ZNF469: variants seen among roughly 807,000 people sequenced by gnomAD.
The protein encoded by ZNF469 is zinc finger protein 469.
ZNF469 carries 1 observed loss-of-function variant against 1.0 expected under a neutral mutation model. The ratio of observed to expected loss-of-function variants is 1.00; its 90% confidence interval spans 0.35 to 4.73. The LOEUF (loss-of-function observed/expected upper bound fraction) is 4.73. Among genes scored for constraint, ZNF469 ranks in the 30% most tolerant of loss-of-function variants. The pLI is 0.16. For missense variants in ZNF469, 6,100 were observed against 5,356.3 expected (o/e 1.14, Z -4.33); for synonymous variants, 2,703 against 2,363.4 (o/e 1.14, Z -4.17).
the ZNF469 span, among the ~76,000 whole-genome samples, chr16:88,115,502 C>T: frequency 2.0e-5 from 3 of 151,932 alleles, no homozygotes; most frequent in African/African-American, 7.3e-5. Flanking sequence ...CTGAGTTGAC[C>T]CTGGTTTATC....
the ZNF469 span, among the ~76,000 whole-genome samples, chr16:88,338,786 C>T: frequency 2.0e-5 from 3 of 152,176 alleles, no homozygotes; most frequent in Admixed American, 6.5e-5. Flanking sequence ...TGTGGCGATA[C>T]AGGCACAGGC....
the ZNF469 span, among the ~76,000 whole-genome samples, chr16:88,367,950 C>A: frequency 6.6e-6 from 1 of 152,220 alleles, no homozygotes; most frequent in African/African-American, 2.4e-5. Flanking sequence ...CACAGAGACC[C>A]GCATTCTTAT....
At chr16:88,264,552 T>A in the ZNF469 span, among the ~76,000 whole-genome samples, 459 of 117,008 alleles carry the variant, frequency 3.9e-3, no homozygotes, top group African/African-American at 0.015. Flanking sequence ...CCCTGGCCCC[T>A]CATCCCAGCC....
the ZNF469 span, among the ~76,000 whole-genome samples, chr16:88,192,919 GTGA>G: frequency 4.0e-5 from 6 of 149,104 alleles, no homozygotes; most frequent in South Asian, 2.2e-4. Flanking sequence ...GGAGGTGATG[GTGA>G]TGATGGTGAT....
the ZNF469 span, among the ~76,000 whole-genome samples, chr16:88,259,196 C>T: frequency 6.6e-6 from 1 of 152,200 alleles, no homozygotes; most frequent in African/African-American, 2.4e-5. The surrounding 1 kb of genome is among the most constrained non-coding windows in gnomAD (Gnocchi z 4.1). Context: ...TCGCGGCCAC[C>T]CACCGGCTTG....
chr16:88,233,034 G>A, the ZNF469 span, among the ~76,000 whole-genome samples: 2 of 152,178 alleles, frequency 1.3e-5, no homozygotes, highest in African/African-American at 4.8e-5. Flanking sequence ...ATCCTCAGGC[G>A]CTGGCTCAGC....
chr16:88,401,657 GGGT>G (rs1904868488), intron 1 of ZNF469, among the ~76,000 whole-genome samples: 1 of 144,408 alleles, frequency 6.9e-6, no homozygotes. Context: ...ATGGGTGGAT[GGGT>G]AGATGGATGG....
intron 1 of ZNF469, among the ~76,000 whole-genome samples, chr16:88,397,071 AG>A (rs1158801715): frequency 6.6e-6 from 1 of 152,106 alleles, no homozygotes; most frequent in Non-Finnish European, 1.5e-5. Context: ...ACCCTTCTGA[AG>A]GGAGGCCAGG....
chr16:88,367,138 GTACTCAGCAAATGTTTGC>G, the ZNF469 span, among the ~76,000 whole-genome samples: 1 of 152,174 alleles, frequency 6.6e-6, no homozygotes, highest in African/African-American at 2.4e-5. Flanking sequence ...ATTCCTCTGG[GTACTCAGCAAATGTTTGC>G]TAAGTAAATG....
chr16:88,277,118 C>T, the ZNF469 span, among the ~76,000 whole-genome samples: 39 of 152,172 alleles, frequency 2.6e-4, no homozygotes, highest in East Asian at 1.4e-3. Context: ...TGCTGTGCCA[C>T]GCTGACGCTT....
chr16:88,365,767 A>G, the ZNF469 span, among the ~76,000 whole-genome samples: 1 of 152,126 alleles, frequency 6.6e-6, no homozygotes, highest in Non-Finnish European at 1.5e-5. Context: ...AGTCCTTTGC[A>G]ATTACATCTG....
chr16:88,305,564 G>T, the ZNF469 span, among the ~76,000 whole-genome samples: 1 of 119,920 alleles, frequency 8.3e-6, no homozygotes, highest in South Asian at 3.0e-4. Flanking sequence ...ACCCTCACAC[G>T]TGCACACACG....
chr16:88,390,469 C>T (rs1015448356), intron 1 of ZNF469, among the ~76,000 whole-genome samples: 46 of 152,324 alleles, frequency 3.0e-4, no homozygotes, highest in Non-Finnish European at 5.1e-4. Context: ...AAACAGGAGG[C>T]GGCCGCTCTG....
rs569382688 is a variant in ZNF469, at chr16:88,440,580, T to G, written c.*1248T>G. 6.6e-6 allele frequency: 1 copy of G among 152,174 alleles called. No homozygotes were observed. Among genetic ancestry groups the G allele is most frequent in the Non-Finnish European group, 1.5e-5 (1 of 68,018 alleles). 9.4% of individuals were successfully genotyped at this position (152,174 alleles called of 1,614,324 possible). On this transcript the variant is annotated 3_prime_UTR_variant, in exon 3 of 3. Transcript: ENST00000565624. Reference sequence around the variant, plus strand: ...AATGTGTACGTCAAAAGTTTTTATTTTGATATTTGAAAGAGACCAAATCAG... The same window carrying G: ...AATGTGTACGTCAAAAGTTTTTATTGTGATATTTGAAAGAGACCAAATCAG...
chr16:88,349,183 C>T, the ZNF469 span, among the ~76,000 whole-genome samples: 10,368 of 152,212 alleles, frequency 0.068, 399 homozygotes, highest in East Asian at 0.15. Context: ...ACACCCAGGC[C>T]GGTGCAGCCT....
chr16:88,169,307 TAC>T, the ZNF469 span, among the ~76,000 whole-genome samples: 3 of 152,196 alleles, frequency 2.0e-5, no homozygotes. The surrounding 1 kb of genome is among the most constrained non-coding windows in gnomAD (Gnocchi z 6.1). Context: ...CGCGAATGTG[TAC>T]AGTTGTGTGA....
Position 88,437,030 on chromosome 16 carries a change from T to C in ZNF469, c.9560T>C (p.Val3187Ala). 6.5e-7 allele frequency: 1 copy of C among 1,530,988 alleles called. No individual in the cohort carries two copies. The highest frequency in any genetic ancestry group is 8.8e-7 in the Non-Finnish European group (1 of 1,140,884). The allele number at this position is 1,530,988 out of a possible 1,614,324, so 94.8% of individuals were successfully genotyped here. Reference sequence around the variant, plus strand: ...ATGTGCCTGAAGGAGGTGGCCGACGTCTGGATGTACAACGAGCACCTGCGT... The same window carrying C: ...ATGTGCCTGAAGGAGGTGGCCGACGCCTGGATGTACAACGAGCACCTGCGT... ...CGMCLKEVAD[V>A]WMYNEHLREH... The change falls in exon 3 of 3, where the codon GTC (valine) becomes GCC (alanine). Residue 3187 changes from valine to alanine, a missense_variant. Physicochemically the swap from Val to Ala is moderately conservative, Grantham distance 64. Coordinates refer to ENST00000565624, the MANE Select transcript of ZNF469 (RefSeq NM_001367624.2).
chr16:88,374,982 A>AG, the ZNF469 span, among the ~76,000 whole-genome samples: 2 of 152,254 alleles, frequency 1.3e-5, no homozygotes, highest in Admixed American at 6.5e-5. Context: ...GGGAAAACAC[A>AG]GGCCCCAGCT....
At chr16:88,405,490 G>T (rs1905002471) in intron 1 of ZNF469, among the ~76,000 whole-genome samples, 1 of 152,138 alleles carries the variant, frequency 6.6e-6, no homozygotes, top group Non-Finnish European at 1.5e-5. Context: ...TGGCCCACCT[G>T]CCTCCCTGGC....
Sources: allele counts gnomAD v4.1 joint callset (sites outside exome capture counted in the v4.1 genomes callset), GRCh38; gene constraint gnomAD v4.1.1; non-coding constraint Gnocchi (gnomAD v3.1); transcripts MANE v1.5; gene names NCBI Gene and HGNC (gene_info 2026-07-23, HGNC 2026-07-21).